EXOC6: variants seen among roughly 807,000 people sequenced by gnomAD.
EXOC6 encodes SEC15-like 1.
A neutral mutation model predicts 112.5 loss-of-function variants in EXOC6; 60 were observed. The observed-to-expected ratio is 0.53, with a 90% confidence interval of 0.43 to 0.66. The LOEUF is 0.66. Ranked by LOEUF, EXOC6 falls within the 30% of genes least tolerant of loss-of-function variation. The pLI, the probability that EXOC6 is intolerant of heterozygous loss-of-function variation, is 0.00. For missense variants in EXOC6, 855 were observed against 957.1 expected, an observed-to-expected ratio of 0.89 and a Z score of 1.41; for synonymous variants, 295 against 308.0, an observed-to-expected ratio of 0.96 and a Z score of 0.44.
At chr10:92,931,878 C>T (rs1464789367) in intron 9 of EXOC6, among the ~76,000 whole-genome samples, 1 of 151,986 alleles carries the variant, frequency 6.6e-6, no homozygotes, top group Admixed American at 6.5e-5. Flanking sequence ...AATGGTTTGG[C>T]AATTTGTTAC....
At chr10:92,963,948 G>C (rs1854158964) in intron 17 of EXOC6, among the ~76,000 whole-genome samples, 1 of 151,376 alleles carries the variant, frequency 6.6e-6, no homozygotes, top group South Asian at 2.1e-4. Context: ...ATGGTAATCT[G>C]TGATTTGCAT....
intron 14 of EXOC6, among the ~76,000 whole-genome samples, chr10:92,949,849 G>A (rs1176557702): frequency 2.0e-5 from 3 of 152,082 alleles, no homozygotes; most frequent in Non-Finnish European, 4.4e-5. Context: ...GCCTGCTTCA[G>A]CCACACAAAG....
At chr10:92,999,763 G>A (rs1222371349) in intron 19 of EXOC6, among the ~76,000 whole-genome samples, 2 of 151,294 alleles carry the variant, frequency 1.3e-5, no homozygotes, top group African/African-American at 4.9e-5. Flanking sequence ...GAGTGCAGTG[G>A]CACAATCTTG....
intron 1 of EXOC6, among the ~76,000 whole-genome samples, chr10:92,873,601 T>A (rs1029827525): frequency 2.6e-5 from 4 of 152,144 alleles, no homozygotes; most frequent in Admixed American, 2.0e-4. Context: ...TTTGACAGAA[T>A]CTCTTCAAAT....
At chr10:92,836,767 C>G (rs980109958) in intron 1 of EXOC6, among the ~76,000 whole-genome samples, 12 of 152,260 alleles carry the variant, frequency 7.9e-5, no homozygotes, top group Admixed American at 5.9e-4. Flanking sequence ...TGATTTTCTA[C>G]TGTAACTGTG....
chr10:92,866,074 C>G (rs1478000313), intron 1 of EXOC6, among the ~76,000 whole-genome samples: 1 of 151,980 alleles, frequency 6.6e-6, no homozygotes, highest in Non-Finnish European at 1.5e-5. Flanking sequence ...TAGTTCAAAC[C>G]TGTGTTGTTC....
intron 12 of EXOC6, among the ~76,000 whole-genome samples, chr10:92,938,618 A>G (rs557616229): frequency 6.6e-6 from 1 of 152,286 alleles, no homozygotes; most frequent in South Asian, 2.1e-4. Context: ...TATTAGGCAA[A>G]TAACAAGTAA....
chr10:93,043,112 T>G (rs1845858480), intron 20 of EXOC6, among the ~76,000 whole-genome samples: 1 of 152,040 alleles, frequency 6.6e-6, no homozygotes, highest in Non-Finnish European at 1.5e-5. Context: ...ATTTTTTGTA[T>G]TTTTAGTAGA....
intron 8 of EXOC6, among the ~76,000 whole-genome samples, chr10:92,921,073 TC>T (rs1851408901): frequency 6.6e-6 from 1 of 152,228 alleles, no homozygotes. Flanking sequence ...AGTGTTTAGT[TC>T]ATTTACATTT....
chr10:92,957,752 A>T (rs896443162), intron 17 of EXOC6, among the ~76,000 whole-genome samples: 31 of 152,198 alleles, frequency 2.0e-4, no homozygotes, highest in African/African-American at 7.2e-4. Flanking sequence ...TCTAAATGTG[A>T]TAAGGGGAAG....
chr10:93,012,201 C>G (rs985834930), intron 19 of EXOC6, among the ~76,000 whole-genome samples: 9 of 152,028 alleles, frequency 5.9e-5, no homozygotes, highest in African/African-American at 1.9e-4. Flanking sequence ...AGACATAATT[C>G]TAGTAATTGA....
At chr10:92,973,936 T>C in intron 17 of EXOC6, 117 bp from the exon 18 acceptor site, 1 of 879,660 alleles carries the variant, frequency 1.1e-6, no homozygotes, top group Non-Finnish European at 1.7e-6. Flanking sequence ...TTCCTGGACT[T>C]TGAATAAATG....
chr10:92,891,296 T>C (rs1360089227), intron 1 of EXOC6, among the ~76,000 whole-genome samples: 2 of 152,104 alleles, frequency 1.3e-5, no homozygotes, highest in Admixed American at 6.5e-5. Flanking sequence ...TTAGCAGGTG[T>C]CAGTGTGCTT....
At chr10:92,989,707 G>A (rs1843154679) in intron 18 of EXOC6, among the ~76,000 whole-genome samples, 1 of 152,134 alleles carries the variant, frequency 6.6e-6, no homozygotes, top group Non-Finnish European at 1.5e-5. Flanking sequence ...ACTTCCTGCT[G>A]ATGAACCATA....
chr10:92,956,194 T>C (rs1418164907), intron 17 of EXOC6, among the ~76,000 whole-genome samples: 2 of 152,124 alleles, frequency 1.3e-5, no homozygotes, highest in Non-Finnish European at 2.9e-5. Flanking sequence ...CAGAATATAC[T>C]GAGGATTAAT....
At chr10:93,001,885 T>C (rs796967960) in intron 19 of EXOC6, among the ~76,000 whole-genome samples, 18 of 152,334 alleles carry the variant, frequency 1.2e-4, no homozygotes, top group South Asian at 2.1e-4. Flanking sequence ...TTATGTGATA[T>C]AGTTTTAGAT....
At chr10:92,917,733 A>G (rs778809437) in intron 7 of EXOC6, among the ~76,000 whole-genome samples, 1 of 152,080 alleles carries the variant, frequency 6.6e-6, no homozygotes, top group African/African-American at 2.4e-5. Context: ...AGGTCTCACT[A>G]TGTTACCAAG....
chr10:92,979,318 C>G (rs1336985708), intron 18 of EXOC6, among the ~76,000 whole-genome samples: 2 of 152,168 alleles, frequency 1.3e-5, no homozygotes, highest in Non-Finnish European at 2.9e-5. Context: ...GGCCACCATG[C>G]CTGGCTAATC....
intron 1 of EXOC6, among the ~76,000 whole-genome samples, chr10:92,861,092 T>A (rs76898518): frequency 0.011 from 1,633 of 152,344 alleles, 32 homozygotes; most frequent in African/African-American, 0.037. Context: ...CTCCTTTCAA[T>A]TGCTTAATAC....
Sources: allele counts gnomAD v4.1 joint callset (sites outside exome capture counted in the v4.1 genomes callset), GRCh38; gene constraint gnomAD v4.1.1; transcripts MANE v1.5; gene names NCBI Gene and HGNC (gene_info 2026-07-23, HGNC 2026-07-21).